Variants in HEXD observed in about 807,000 individuals in gnomAD.
HEXD encodes N-acetyl-beta-galactosaminidase.
In HEXD, 47 loss-of-function variants were observed where a neutral mutation model predicts 54.2. The observed-to-expected ratio is 0.87, with a 90% CI of 0.69 to 1.11. The LOEUF (loss-of-function observed/expected upper bound fraction) is 1.11, where lower values mean the gene tolerates loss of function less well. Ranked by LOEUF, HEXD falls within the 50% of genes least tolerant of loss-of-function variation. The pLI is 0.00. For missense variants in HEXD, 576 were observed against 649.2 expected (o/e 0.89, Z 1.23); for synonymous variants, 293 against 287.6 (o/e 1.02, Z -0.19).
chr17:82,428,060 C>T (rs1312760311), intron 3 of HEXD: 1 of 153,272 alleles, frequency 6.5e-6, no homozygotes, highest in African/African-American at 2.4e-5. Flanking sequence ...TCTTGGCTCA[C>T]CGCGAACTCT....
rs527385697 is a variant in HEXD at position 82,434,530 on chromosome 17, T to C, written c.447+708T>C. 5.3e-4 allele frequency among the ~76,000 whole-genome samples: 80 copies of C among 152,338 alleles called. No homozygotes were observed. In the South Asian group the frequency reaches 0.016, roughly 31 times the overall value. ...GAGTATGTAAAATACACTTAAGCTT[T>C]ACCATTCTAACCATTTTAAAATATA... On this transcript the variant is annotated intron_variant, in intron 5 of 12. Coordinates refer to ENST00000327949, the MANE Select transcript of HEXD (RefSeq NM_001330542.2). This position sits in a 1 kb window ranked among gnomAD's most constrained non-coding sequence, Gnocchi z 4.5.
intron 5 of HEXD, among the ~76,000 whole-genome samples, chr17:82,435,419 C>G (rs1350546636): frequency 6.6e-6 from 1 of 152,210 alleles, no homozygotes; most frequent in African/African-American, 2.4e-5. Context: ...CTATGCTGGT[C>G]CATCATGGGG....
At chr17:82,436,851 A>G in intron 7 of HEXD, 113 bp downstream of exon 7, 1 of 985,360 alleles carries the variant, frequency 1.0e-6, no homozygotes, top group Non-Finnish European at 1.5e-6. Context: ...GCACGGGTAG[A>G]GGCCAGGGCA....
chr17:82,420,772 T>G (rs555346503), intron 2 of HEXD, among the ~76,000 whole-genome samples: 1 of 152,274 alleles, frequency 6.6e-6, no homozygotes, highest in African/African-American at 2.4e-5. Flanking sequence ...TTCACCACAT[T>G]GGCCAGGCTG....
intron 5 of HEXD, 32 bp from the exon 6 acceptor site, chr17:82,435,657 C>T: frequency 1.3e-6 from 2 of 1,587,768 alleles, no homozygotes; most frequent in African/African-American, 2.7e-5. Flanking sequence ...GCACGGCTGC[C>T]AAGGCAACCC....
At position 82,418,456 on chromosome 17, in the gene HEXD, C is replaced by T; in HGVS notation, c.-336C>T. 45 of 1,476,028 alleles carry T rather than the reference C, an allele frequency of 3.0e-5. No individual in the cohort carries two copies. The highest frequency in any genetic ancestry group is 4.0e-5 in the Non-Finnish European group (45 of 1,119,388). 91.4% of individuals were successfully genotyped at this position (1,476,028 alleles called of 1,614,324 possible). ...CGGCCGCTCCGTTGCCCTCGGGCGC[C>T]TTGGTTGCGGCCCTCCGCTGAGGAG... On this transcript the variant is annotated 5_prime_UTR_variant, in exon 1 of 13. Transcript: ENST00000327949.
intron 8 of HEXD, among the ~76,000 whole-genome samples, 175 bp downstream of exon 8, chr17:82,437,538 G>A (rs1047063910): frequency 2.0e-5 from 3 of 152,260 alleles, no homozygotes; most frequent in African/African-American, 7.2e-5. Context: ...ACGCCAGAGC[G>A]GCCGCTGAGG....
chr17:82,437,381 T>C lies in HEXD; in HGVS notation c.899+18T>C, dbSNP rs772210061. 3 of 1,568,050 alleles carry C rather than the reference T, an allele frequency of 1.9e-6. No individual in the cohort carries two copies. The highest frequency in any genetic ancestry group is 2.6e-6 in the Non-Finnish European group (3 of 1,154,602). On this transcript the variant is annotated intron_variant, in intron 8 of 12. Transcript: ENST00000327949. ...TGGCAGAGGTAAGTCCTGGCCAGTCTGTCCTCAGAGGGTCCAGGGCAGCTC... is the reference window on the plus strand; with the variant it reads ...TGGCAGAGGTAAGTCCTGGCCAGTCCGTCCTCAGAGGGTCCAGGGCAGCTC...
chr17:82,433,944 C>T, intron 5 of HEXD, 122 bp downstream of exon 5: 1 of 892,474 alleles, frequency 1.1e-6, no homozygotes, highest in Non-Finnish European at 1.6e-6. Context: ...CCTCAGGGCA[C>T]CCCATCCAAC....
rs543564927 is a variant in HEXD, at chr17:82,441,041, G to C, written c.1027G>C (p.Gly343Arg). 26 of 1,613,586 alleles carry C rather than the reference G, an allele frequency of 1.6e-5. No homozygotes were observed. In the South Asian group the frequency reaches 2.9e-4, roughly 18 times the overall value. ...TAAAGCGAAAGTGGAGAACCTTCTC[G>C]GGATTTCCAGCCTGGAAAAAACGGA... ...DVKAKVENLL[G>R]ISSLEKTDPV... is the part of the protein sequence containing the mutation. The change falls in exon 10 of 13, where the codon GGG becomes CGG. Residue 343 changes from glycine (G) to arginine (R), a missense_variant. Transcript: ENST00000327949.
At position 82,442,010 on chromosome 17, in the gene HEXD, G is replaced by T. The variant is rs2053996296; in HGVS notation, c.1253+121G>T. On this transcript the variant is annotated intron_variant, in intron 12 of 12. Coordinates refer to ENST00000327949, the MANE Select transcript of HEXD (RefSeq NM_001330542.2). This position sits in a 1 kb window ranked among gnomAD's most constrained non-coding sequence, Gnocchi z 6.8. Reference sequence around the variant, plus strand: ...GCCCCTAGTTGTAAAAGGCCCTCTGGTCTCAGATGTGCAGCTGTCACCGAC... The same window carrying T: ...GCCCCTAGTTGTAAAAGGCCCTCTGTTCTCAGATGTGCAGCTGTCACCGAC... 1 of 1,299,026 alleles carries T rather than the reference G, an allele frequency of 7.7e-7. No homozygotes were observed. Among genetic ancestry groups the T allele is most frequent in the African/African-American group, 1.5e-5 (1 of 68,774 alleles). 80.5% of individuals were successfully genotyped at this position (1,299,026 alleles called of 1,614,324 possible).
At chr17:82,436,854 C>A in intron 7 of HEXD, 116 bp downstream of exon 7, 1 of 957,274 alleles carries the variant, frequency 1.0e-6, no homozygotes, top group Non-Finnish European at 1.6e-6. Context: ...CGGGTAGAGG[C>A]CAGGGCACAG....
chr17:82,438,101 G>C (rs760958505), intron 8 of HEXD, among the ~76,000 whole-genome samples: 1 of 152,134 alleles, frequency 6.6e-6, no homozygotes, highest in Admixed American at 6.5e-5. Flanking sequence ...GCCTGGCGTG[G>C]TGGCACGCGC....
Position 82,437,305 on chromosome 17 carries a change from G to A in HEXD, c.841G>A (p.Val281Met). Residue 281 changes from valine (V) to methionine (M), a missense_variant, in exon 8 of 13, where the codon GTG becomes ATG. Coordinates refer to ENST00000327949, the MANE Select transcript of HEXD (RefSeq NM_001330542.2). ...HLRNHVQWLQ[V>M]AGSGPTDSLQ... ...CAGGAACCACGTGCAGTGGCTGCAGGTGGCGGGCAGCGGGCCCACGGACTC... is the reference window on the plus strand; with the variant it reads ...CAGGAACCACGTGCAGTGGCTGCAGATGGCGGGCAGCGGGCCCACGGACTC... 6.2e-7 allele frequency: 1 copy of A among 1,612,002 alleles called. No homozygotes were observed. The highest frequency in any genetic ancestry group is 8.5e-7 in the Non-Finnish European group (1 of 1,179,520).
At chr17:82,436,816 G>T in intron 7 of HEXD, 78 bp downstream of exon 7, 1 of 1,334,984 alleles carries the variant, frequency 7.5e-7, no homozygotes. Flanking sequence ...TGACCCTGCA[G>T]CCGGAACTGC....
Position 82,436,659 on chromosome 17 carries a change from G to C in HEXD, c.632-8G>C, listed in dbSNP as rs2053777097. On this transcript the variant is annotated splice_polypyrimidine_tract_variant and splice_region_variant and intron_variant, in intron 6 of 12. Coordinates refer to ENST00000327949, the MANE Select transcript of HEXD (RefSeq NM_001330542.2). ...GTCTCACCAACCTCACGTCCGCTCT[G>C]TCTGCAGCGTCCGGGGTGCCGCAGC... 2 of 1,607,530 alleles carry C rather than the reference G, an allele frequency of 1.2e-6. No individual in the cohort carries two copies. The highest frequency in any genetic ancestry group is 1.7e-6 in the Non-Finnish European group (2 of 1,178,486).
intron 5 of HEXD, 35 bp from the exon 6 acceptor site, chr17:82,435,654 T>C: frequency 6.3e-7 from 1 of 1,586,370 alleles, no homozygotes; most frequent in Non-Finnish European, 8.6e-7. Flanking sequence ...TGTGCACGGC[T>C]GCCAAGGCAA....
chr17:82,439,101 G>A (rs1322305259), intron 8 of HEXD, among the ~76,000 whole-genome samples: 1 of 152,252 alleles, frequency 6.6e-6, no homozygotes, highest in Non-Finnish European at 1.5e-5. Context: ...AGGCCCCCCA[G>A]CCCTCGCTTG....
intron 3 of HEXD, chr17:82,426,790 C>A (rs1267308280): frequency 6.6e-6 from 1 of 151,986 alleles, no homozygotes; most frequent in Non-Finnish European, 1.5e-5. Flanking sequence ...AGTTTGAGAC[C>A]AGCCTGACCA....
Sources: allele counts gnomAD v4.1 joint callset (sites outside exome capture counted in the v4.1 genomes callset), GRCh38; gene constraint gnomAD v4.1.1; non-coding constraint Gnocchi (gnomAD v3.1); transcripts MANE v1.5; gene names NCBI Gene and HGNC (gene_info 2026-07-23, HGNC 2026-07-21).